Variants in LDB2 observed in about 807,000 individuals in gnomAD.
The protein encoded by LDB2 is LIM domain binding 2, also known as LIM domain-binding protein 2.
Under a neutral mutation model 44.3 loss-of-function variants are expected in LDB2, and 12 were observed. The ratio of observed to expected loss-of-function variants is 0.27; its 90% CI spans 0.17 to 0.44. The LOEUF is 0.44. Among genes scored for constraint, LDB2 ranks in the 20% least tolerant of loss-of-function variants. The pLI, the probability that LDB2 is intolerant of heterozygous loss-of-function variation, is 1.00. For synonymous variants in LDB2, 164 were observed against 174.8 expected (o/e 0.94, Z 0.49); for missense variants, 344 against 473.5 (o/e 0.73, Z 2.54).
At chr4:16,857,596 C>T (rs777835822) in intron 1 of LDB2, among the ~76,000 whole-genome samples, 1 of 152,220 alleles carries the variant, frequency 6.6e-6, no homozygotes, top group Non-Finnish European at 1.5e-5. Context: ...GCTCACTCTG[C>T]TCCGAGCACA....
At chr4:16,588,599 C>T (rs1717831616) in intron 4 of LDB2, 111 bp downstream of exon 4, 35 of 1,105,076 alleles carry the variant, frequency 3.2e-5, no homozygotes, top group Middle Eastern at 2.4e-4. Flanking sequence ...TTACCTAAAG[C>T]GTGACAACTA....
Position 16,639,851 on chromosome 4 carries a change from G to T in LDB2, c.236-43976C>A, listed in dbSNP as rs568215776. 2.0e-5 allele frequency among the ~76,000 whole-genome samples: 3 copies of T among 152,206 alleles called. 1 individual carries two copies. The highest frequency in any genetic ancestry group is 4.1e-4 in the South Asian group (2 of 4,828). On this transcript the variant is annotated intron_variant, in intron 2 of 7. Transcript: ENST00000304523. ...ACCAGGGACCTAGCACTGCCCTAAG[G>T]GCAGGAGACCCAGAGGCAATGGGCA...
intron 2 of LDB2, among the ~76,000 whole-genome samples, chr4:16,615,850 G>C (rs1727151890): frequency 6.6e-6 from 1 of 152,216 alleles, no homozygotes; most frequent in Admixed American, 6.5e-5. Context: ...ATGGGGTCAA[G>C]AGTGGGGACC....
At chr4:16,779,973 T>A (rs1280307972) in intron 1 of LDB2, among the ~76,000 whole-genome samples, 1 of 152,214 alleles carries the variant, frequency 6.6e-6, no homozygotes, top group Non-Finnish European at 1.5e-5. Flanking sequence ...TATGGCAGCA[T>A]CTCTATTTGC....
chr4:16,821,745 G>GAAAAA (rs1782072538), intron 1 of LDB2, among the ~76,000 whole-genome samples: 7 of 11,438 alleles, frequency 6.1e-4, no homozygotes, highest in South Asian at 2.4e-3. Context: ...CAACATTAAA[G>GAAAAA]CAAAAAAAAA....
At chr4:16,644,504 T>C (rs1736130521) in intron 2 of LDB2, among the ~76,000 whole-genome samples, 1 of 151,632 alleles carries the variant, frequency 6.6e-6, no homozygotes, top group African/African-American at 2.4e-5. Flanking sequence ...CTTGGCTCAC[T>C]GCAACCTCTG....
At chr4:16,605,214 TG>T (rs1211434542) in intron 2 of LDB2, among the ~76,000 whole-genome samples, 4 of 152,104 alleles carry the variant, frequency 2.6e-5, no homozygotes, top group African/African-American at 7.2e-5. Context: ...TTAACAGATG[TG>T]GGAAAAAATA....
chr4:16,606,860 A>T (rs1724087580), intron 2 of LDB2, among the ~76,000 whole-genome samples: 1 of 152,238 alleles, frequency 6.6e-6, no homozygotes, highest in African/African-American at 2.4e-5. Flanking sequence ...TAAGTCATTG[A>T]ATTTTGTGTT....
intron 2 of LDB2, among the ~76,000 whole-genome samples, chr4:16,673,178 A>G (rs6851110): frequency 0.55 from 83,484 of 151,910 alleles, 23,502 homozygotes; most frequent in East Asian, 0.84. Flanking sequence ...TCCACTTCAC[A>G]AGAGATATCT....
chr4:16,847,364 C>G (rs1257913995), intron 1 of LDB2, among the ~76,000 whole-genome samples: 1 of 152,102 alleles, frequency 6.6e-6, no homozygotes, highest in African/African-American at 2.4e-5. Flanking sequence ...CTGTTGGAAA[C>G]TCAGTGTTAA....
chr4:16,574,814 G>A (rs1577892237), intron 5 of LDB2, among the ~76,000 whole-genome samples: 2 of 152,114 alleles, frequency 1.3e-5, no homozygotes, highest in African/African-American at 4.8e-5. Flanking sequence ...CCAAACTTTT[G>A]AGACATATTA....
rs552412930 is a variant in LDB2 at position 16,878,464 on chromosome 4, C to G, written c.132+19890G>C. Among the ~76,000 whole-genome samples the G allele has an allele frequency of 7.2e-5, 11 of 152,324 alleles. No individual in the cohort carries two copies. The East Asian group carries it at 2.1e-3, about 29-fold the overall frequency. ...ATCTTTTACCAGAAAACTATACAATCCTTCTCTAATATGTCCTTCTGCTTC... is the reference window on the plus strand; with the variant it reads ...ATCTTTTACCAGAAAACTATACAATGCTTCTCTAATATGTCCTTCTGCTTC... On this transcript the variant is annotated intron_variant, in intron 1 of 7. Coordinates refer to ENST00000304523, the MANE Select transcript of LDB2 (RefSeq NM_001290.5).
chr4:16,508,529 A>G lies in LDB2; in HGVS notation c.891+6T>C. 6.4e-7 allele frequency: 1 copy of G among 1,554,090 alleles called. No homozygotes were observed. The highest frequency in any genetic ancestry group is 1.2e-5 in the South Asian group (1 of 80,926). ...ATTTCGGGCCTAAGAGGAAAGCGAG[A>G]CTTACAGGTACCTGACTGGACAGAC... On this transcript the variant is annotated splice_donor_region_variant and intron_variant, in intron 7 of 7. Coordinates refer to ENST00000304523, the MANE Select transcript of LDB2 (RefSeq NM_001290.5).
chr4:16,697,523 C>G (rs955236405), intron 2 of LDB2, among the ~76,000 whole-genome samples: 2 of 152,128 alleles, frequency 1.3e-5, no homozygotes, highest in Non-Finnish European at 2.9e-5. Flanking sequence ...TTCTTCCTAC[C>G]TGTCTGCCAC....
chr4:16,775,884 T>C (rs1771776472), intron 1 of LDB2, among the ~76,000 whole-genome samples: 1 of 152,220 alleles, frequency 6.6e-6, no homozygotes, highest in Non-Finnish European at 1.5e-5. Context: ...GCGAAGCCTC[T>C]ATTTTGCACA....
At chr4:16,566,735 T>G (rs1376199581) in intron 5 of LDB2, among the ~76,000 whole-genome samples, 1 of 152,152 alleles carries the variant, frequency 6.6e-6, no homozygotes, top group Non-Finnish European at 1.5e-5. Context: ...TATGAGCTTG[T>G]AATGCAATTT....
chr4:16,736,628 G>C (rs370344429), intron 2 of LDB2, among the ~76,000 whole-genome samples: 10 of 152,192 alleles, frequency 6.6e-5, no homozygotes, highest in African/African-American at 2.4e-4. Context: ...GCAAGTCGCA[G>C]AATCTTCTTG....
chr4:16,514,016 C>CAGGAGGA (rs1722756326), intron 5 of LDB2, among the ~76,000 whole-genome samples: 1 of 152,158 alleles, frequency 6.6e-6, no homozygotes, highest in Non-Finnish European at 1.5e-5. Context: ...GTCCCATATC[C>CAGGAGGA]AGGAGGAAGG....
chr4:16,592,505 T>TACACACACAC (rs58460959), intron 3 of LDB2, among the ~76,000 whole-genome samples: 2 of 108,068 alleles, frequency 1.9e-5, no homozygotes, highest in South Asian at 3.5e-4. Flanking sequence ...TATATATATA[T>TACACACACAC]ACACACACAC....
Sources: gnomAD v4.1 joint callset for allele counts (sites outside exome capture counted in the v4.1 genomes callset) on GRCh38, gnomAD v4.1.1 for gene constraint, MANE v1.5 for transcripts, NCBI Gene and HGNC (gene_info 2026-07-23, HGNC 2026-07-21) for gene names.